The following ARHGAP8 variants were observed in gnomAD, a reference collection of about 807,000 sequenced individuals.
ARHGAP8 encodes Rho GTPase activating protein 8, also known as rho GTPase-activating protein 8.
A neutral mutation model predicts 46.1 loss-of-function variants in ARHGAP8; 62 were observed. That is an observed-to-expected ratio of 1.34 (90% CI 1.10 to 1.66). The LOEUF (loss-of-function observed/expected upper bound fraction) is 1.66, where lower values mean the gene tolerates loss of function less well. Among genes scored for constraint, ARHGAP8 ranks in the 40% most tolerant of loss-of-function variants. ARHGAP8 has a pLI of 0.00. For missense variants in ARHGAP8, 923 were observed against 568.4 expected (o/e 1.62, Z -6.34); for synonymous variants, 375 against 243.1 (o/e 1.54, Z -5.05).
At chr22:44,861,469 C>T (rs1206488490) in intron 11 of ARHGAP8, among the ~76,000 whole-genome samples, 1 of 118,058 alleles carries the variant, frequency 8.5e-6, no homozygotes, top group African/African-American at 3.1e-5. Flanking sequence ...GACCGGCAGC[C>T]AGGGGGAGCC....
intron 2 of ARHGAP8, among the ~76,000 whole-genome samples, chr22:44,794,738 TTA>T (rs1391248514): frequency 2.7e-5 from 4 of 150,494 alleles, no homozygotes; most frequent in Non-Finnish European, 5.9e-5. Context: ...ATAATATACT[TTA>T]TTATGGAAAT....
At chr22:44,856,665 AAAC>A (rs2070234556) in intron 10 of ARHGAP8, among the ~76,000 whole-genome samples, 1 of 144,250 alleles carries the variant, frequency 6.9e-6, no homozygotes, top group Non-Finnish European at 1.5e-5. Context: ...TCAGGACACA[AAAC>A]AAGACGAAAG....
intron 1 of ARHGAP8, among the ~76,000 whole-genome samples, chr22:44,775,411 C>G (rs866574964): frequency 6.6e-6 from 1 of 151,936 alleles, no homozygotes; most frequent in South Asian, 2.1e-4. Flanking sequence ...GTGGACAACT[C>G]CAGCAGGGCT....
At chr22:44,801,063 G>C (rs1212368396) in intron 2 of ARHGAP8, among the ~76,000 whole-genome samples, 1 of 67,964 alleles carries the variant, frequency 1.5e-5, no homozygotes, top group Non-Finnish European at 2.8e-5. Context: ...TCTCCCCGCA[G>C]CTGTCCATGT....
chr22:44,857,302 C>T (rs973602682), intron 10 of ARHGAP8, among the ~76,000 whole-genome samples: 1 of 152,180 alleles, frequency 6.6e-6, no homozygotes, highest in African/African-American at 2.4e-5. Context: ...GTGCAGCTCC[C>T]AGACCAAGTG....
At chr22:44,779,542 A>G (rs941144167) in intron 1 of ARHGAP8, among the ~76,000 whole-genome samples, 4 of 146,334 alleles carry the variant, frequency 2.7e-5, no homozygotes, top group African/African-American at 1.0e-4. Flanking sequence ...GGAGATTTAC[A>G]TGGGCGGTTT....
intron 2 of ARHGAP8, among the ~76,000 whole-genome samples, chr22:44,798,617 C>T (rs540457159): frequency 3.8e-4 from 57 of 151,840 alleles, no homozygotes; most frequent in African/African-American, 1.2e-3. Flanking sequence ...AGCCCCTTCC[C>T]TGAGGTCCAC....
chr22:44,787,942 C>CTTTT lies in ARHGAP8; in HGVS notation c.79+1336_79+1337insTTTT, dbSNP rs1569145142. The stretch of plus-strand genomic sequence containing the variant: ...TCCTTTTTTTTTTTTTTTTTTTTTC[C>CTTTT]CCCCAAATGTCCTTTTAAGAAAACT... On this transcript the variant is annotated intron_variant, in intron 2 of 11. Transcript: ENST00000356099. Among the ~76,000 whole-genome samples the CTTTT allele has an allele frequency of 3.5e-3, 272 of 78,096 alleles. 1 individual carries two copies. Among genetic ancestry groups the CTTTT allele is most frequent in the African/African-American group, 0.015 (256 of 16,570 alleles). 51.2% of individuals were successfully genotyped at this position (78,096 alleles called of 152,430 possible). A position where few individuals can be genotyped will look rare whatever the true frequency, so the allele number is the denominator to read the frequency against.
chr22:44,841,365 A>C (rs1298639865), intron 7 of ARHGAP8, among the ~76,000 whole-genome samples: 2 of 152,086 alleles, frequency 1.3e-5, no homozygotes, highest in African/African-American at 2.4e-5. Flanking sequence ...CCGCCTGCCC[A>C]CCCTGGGAGG....
At chr22:44,852,562 T>C (rs757246115) in intron 10 of ARHGAP8, among the ~76,000 whole-genome samples, 16 of 152,074 alleles carry the variant, frequency 1.1e-4, no homozygotes, top group Non-Finnish European at 2.1e-4. Context: ...CCCAGGAAGT[T>C]TTACAGTCCA....
At chr22:44,753,395 A>G (rs1230932185) in intron 1 of ARHGAP8, among the ~76,000 whole-genome samples, 1 of 151,650 alleles carries the variant, frequency 6.6e-6, no homozygotes, top group Non-Finnish European at 1.5e-5. Flanking sequence ...AATTTTTTGT[A>G]TTTTTAGTAC....
chr22:44,805,609 A>G (rs1251795589), intron 3 of ARHGAP8, among the ~76,000 whole-genome samples: 1 of 152,238 alleles, frequency 6.6e-6, no homozygotes, highest in African/African-American at 2.4e-5. Flanking sequence ...GCACAAGGCT[A>G]ACCAGATGAG....
At chr22:44,815,557 C>T (rs1006300654) in intron 5 of ARHGAP8, among the ~76,000 whole-genome samples, 3 of 152,234 alleles carry the variant, frequency 2.0e-5, no homozygotes, top group East Asian at 1.9e-4. Context: ...CTCTTTGGAA[C>T]GTGTGGGGCT....
In ARHGAP8 at chr22:44,861,553, C is replaced by G. The variant is rs73889804; in HGVS notation, c.982-722C>G. On this transcript the variant is annotated intron_variant, in intron 11 of 11. Transcript: ENST00000356099. ...GGGTGGTGCCTGGCCCTGCCTCCCT[C>G]CAGTTCTCTGCTCTGCCCTGGTACT... is the stretch of plus-strand genomic sequence containing the variant. Among the ~76,000 whole-genome samples, 834 of 152,278 alleles carry G rather than the reference C, an allele frequency of 5.5e-3. 8 individuals carry two copies. The highest frequency in any genetic ancestry group is 0.019 in the African/African-American group (772 of 41,556).
chr22:44,822,012 G>C (rs16992913), intron 5 of ARHGAP8, among the ~76,000 whole-genome samples: 5,994 of 152,330 alleles, frequency 0.039, 366 homozygotes, highest in African/African-American at 0.13. Context: ...TGCTCTCTCT[G>C]TGCCAGTGGC....
intron 4 of ARHGAP8, chr22:44,809,142 CCAGA>C (rs765039803): frequency 1.1e-4 from 53 of 471,018 alleles, no homozygotes; most frequent in Admixed American, 4.0e-4. Context: ...TCTTAAAGGG[CCAGA>C]CAGTCAGCAT....
At chr22:44,858,495 G>A (rs1443201646) in intron 10 of ARHGAP8, among the ~76,000 whole-genome samples, 1 of 138,122 alleles carries the variant, frequency 7.2e-6, no homozygotes, top group African/African-American at 2.9e-5. Flanking sequence ...AGCCTCCCAT[G>A]TAGCTCTGGG....
intron 7 of ARHGAP8, among the ~76,000 whole-genome samples, chr22:44,830,562 A>C (rs1930875127): frequency 6.6e-6 from 1 of 151,074 alleles, no homozygotes; most frequent in African/African-American, 2.4e-5. Flanking sequence ...TCTGAGACAA[A>C]GTCTTGCTCT....
chr22:44,776,418 C>T (rs1015078884), intron 1 of ARHGAP8, among the ~76,000 whole-genome samples: 1 of 151,096 alleles, frequency 6.6e-6, no homozygotes, highest in Non-Finnish European at 1.5e-5. Flanking sequence ...CGCCATTGCA[C>T]TCCAGCCTGG....
Sources: gnomAD v4.1 joint callset for allele counts (sites outside exome capture counted in the v4.1 genomes callset) on GRCh38, gnomAD v4.1.1 for gene constraint, MANE v1.5 for transcripts, NCBI Gene and HGNC (gene_info 2026-07-23, HGNC 2026-07-21) for gene names.